The following COL28A1 variants were observed in gnomAD, a reference collection of about 807,000 sequenced individuals.
COL28A1 encodes collagen type XXVIII alpha 1 chain.
In COL28A1, 161 loss-of-function variants were observed where a neutral mutation model predicts 150.2. The observed-to-expected ratio is 1.07, with a 90% CI of 0.94 to 1.22. The LOEUF (loss-of-function observed/expected upper bound fraction) is 1.22, where lower values mean the gene tolerates loss of function less well. COL28A1 is among the 50% of genes most tolerant of loss of function. The pLI, the probability that COL28A1 is intolerant of heterozygous loss-of-function variation, is 0.00. For synonymous variants in COL28A1, 552 were observed against 469.7 expected, an observed-to-expected ratio of 1.18 and a Z score of -2.26; for missense variants, 1,617 against 1,388.3, an observed-to-expected ratio of 1.16 and a Z score of -2.62.
chr7:7,452,779 C>A (rs2128330534), intron 17 of COL28A1, among the ~76,000 whole-genome samples: 1 of 152,294 alleles, frequency 6.6e-6, no homozygotes, highest in African/African-American at 2.4e-5. Flanking sequence ...CTCAAGCTTT[C>A]AAGGCAGGCC....
chr7:7,384,808 G>T (rs1195297509), intron 27 of COL28A1, among the ~76,000 whole-genome samples: 3 of 152,110 alleles, frequency 2.0e-5, no homozygotes, highest in Non-Finnish European at 2.9e-5. Flanking sequence ...ACATTAAACT[G>T]ACACTGGCAT....
At chr7:7,498,455 G>T (rs55924331) in intron 11 of COL28A1, among the ~76,000 whole-genome samples, 14,864 of 152,124 alleles carry the variant, frequency 0.098, 868 homozygotes, top group Middle Eastern at 0.22. Flanking sequence ...ACCCTTGGAG[G>T]CTGGGAGGAG....
intron 32 of COL28A1, among the ~76,000 whole-genome samples, chr7:7,372,442 T>TAAATAAATAAATAAAA (rs1554260229): frequency 2.1e-4 from 30 of 143,904 alleles, no homozygotes; most frequent in African/African-American, 8.8e-4. Flanking sequence ...AATAAATAAA[T>TAAATAAATAAATAAAA]GGTTGTTCTT....
chr7:7,543,222 T>C, the COL28A1 span, among the ~76,000 whole-genome samples: 1 of 152,204 alleles, frequency 6.6e-6, no homozygotes, highest in African/African-American at 2.4e-5. Flanking sequence ...ATGAGTATAG[T>C]TCCAACAAGA....
chr7:7,453,513 A>C lies in COL28A1; in HGVS notation c.1372-5T>G. The C allele has an allele frequency of 9.6e-7, 1 of 1,045,148 alleles. No individual in the cohort carries two copies. Among genetic ancestry groups the C allele is most frequent in the Middle Eastern group, 2.0e-4 (1 of 4,958 alleles). The allele number at this position is 1,045,148 out of a possible 1,614,324, so 64.7% of individuals were successfully genotyped here. A position where few individuals can be genotyped will look rare whatever the true frequency, so the allele number is the denominator to read the frequency against. On this transcript the variant is annotated splice_polypyrimidine_tract_variant and splice_region_variant and intron_variant, in intron 16 of 34. Coordinates refer to ENST00000399429, the MANE Select transcript of COL28A1 (RefSeq NM_001037763.3). ...ACCAATAGGACCTTGGATTCCCTTT[A>C]AAATAAAATTTTATAAAATAGTGTT...
At chr7:7,417,969 G>C in intron 26 of COL28A1, 42 bp from the exon 27 acceptor site, 1 of 1,518,934 alleles carries the variant, frequency 6.6e-7, no homozygotes. Context: ...AATGTAAGAA[G>C]ATCGAAGAAG....
intron 27 of COL28A1, among the ~76,000 whole-genome samples, chr7:7,399,313 A>T (rs929561418): frequency 6.6e-6 from 1 of 152,164 alleles, no homozygotes; most frequent in Non-Finnish European, 1.5e-5. Context: ...ACCTCAGCCA[A>T]GAGTGACATC....
chr7:7,459,522 A>C lies in COL28A1; in HGVS notation c.1303-3410T>G, dbSNP rs75677338. Among the ~76,000 whole-genome samples, 1,216 of 152,366 alleles carry C rather than the reference A, an allele frequency of 8.0e-3. 16 individuals carry two copies. The highest frequency in any genetic ancestry group is 0.028 in the African/African-American group (1,156 of 41,582). On this transcript the variant is annotated intron_variant, in intron 15 of 34. Coordinates refer to ENST00000399429, the MANE Select transcript of COL28A1 (RefSeq NM_001037763.3). ...TAATATACAATATAATTATCTGCTT[A>C]AAGGCTGATATATAAATGACTCCAA...
At chr7:7,477,934 G>A (rs550667514) in intron 13 of COL28A1, among the ~76,000 whole-genome samples, 15 of 152,194 alleles carry the variant, frequency 9.9e-5, no homozygotes, top group East Asian at 1.9e-4. Flanking sequence ...TGATTGGTGC[G>A]TTTACAATCC....
At chr7:7,519,129 A>G (rs1029583440) in intron 6 of COL28A1, among the ~76,000 whole-genome samples, 1 of 152,210 alleles carries the variant, frequency 6.6e-6, no homozygotes, top group Non-Finnish European at 1.5e-5. Context: ...ATGGACTCAC[A>G]GTTCCACAGT....
Position 7,502,776 on chromosome 7 carries a change from C to T in COL28A1, c.1026+3238G>A, listed in dbSNP as rs960783995. On this transcript the variant is annotated intron_variant, in intron 11 of 34. Transcript: ENST00000399429. ...GCAGTGGCGCGATCTCGGCTCACTG[C>T]AAGCTCCGCCTCCCAGGTTCACGCC... 4.4e-5 allele frequency among the ~76,000 whole-genome samples: 2 copies of T among 45,770 alleles called. 1 individual carries two copies. Among genetic ancestry groups the T allele is most frequent in the Non-Finnish European group, 7.0e-5 (2 of 28,658 alleles). The allele number at this position is 45,770 out of a possible 152,430, so 30.0% of individuals were successfully genotyped here.
In COL28A1 at chr7:7,432,681, C is replaced by A; in HGVS notation, c.1880G>T (p.Gly627Val). ...RGPKGVQGPR[G>V]PVGAPGLKGD... ...TTTGAGTCCTGGAGCACCCACTGGT[C>A]CCCGAGGGCCTTGGACACCCTGGGT... Residue 627 changes from glycine to valine, a missense_variant, in exon 24 of 35, where the codon GGA (glycine) becomes GTA (valine). By Grantham distance (109) the Gly-to-Val change is moderately radical. Transcript: ENST00000399429. The A allele has an allele frequency of 6.2e-7, 1 of 1,613,782 alleles. No homozygotes were observed. Among genetic ancestry groups the A allele is most frequent in the Non-Finnish European group, 8.5e-7 (1 of 1,179,926 alleles).
chr7:7,530,166 G>T (rs550118379), intron 3 of COL28A1, among the ~76,000 whole-genome samples: 2 of 152,070 alleles, frequency 1.3e-5, no homozygotes, highest in African/African-American at 2.4e-5. Context: ...GGTCTTCACC[G>T]GCCTTAAATT....
intron 13 of COL28A1, among the ~76,000 whole-genome samples, chr7:7,481,064 G>A (rs1789350113): frequency 6.6e-6 from 1 of 152,176 alleles, no homozygotes; most frequent in Non-Finnish European, 1.5e-5. Flanking sequence ...TGCTAAGAAT[G>A]TCCTTTCATG....
intron 32 of COL28A1, among the ~76,000 whole-genome samples, chr7:7,372,298 C>G (rs1781272965): frequency 1.3e-5 from 2 of 151,742 alleles, no homozygotes; most frequent in South Asian, 4.2e-4. Context: ...ACTTGGGAGG[C>G]TGAGGCAGGA....
At chr7:7,464,130 G>T (rs1324185327) in intron 15 of COL28A1, among the ~76,000 whole-genome samples, 2 of 152,106 alleles carry the variant, frequency 1.3e-5, no homozygotes, top group African/African-American at 4.8e-5. Context: ...AAATATATAT[G>T]CACCCAACAC....
chr7:7,471,125 T>TAAAAA (rs746981344), intron 15 of COL28A1, among the ~76,000 whole-genome samples: 1,363 of 87,650 alleles, frequency 0.016, 9 homozygotes, highest in African/African-American at 0.037. Flanking sequence ...AAAAAATAAT[T>TAAAAA]AAAAAAAAAA....
At chr7:7,461,499 A>C (rs763521186) in intron 15 of COL28A1, among the ~76,000 whole-genome samples, 1 of 152,122 alleles carries the variant, frequency 6.6e-6, no homozygotes, top group Non-Finnish European at 1.5e-5. Flanking sequence ...GCAACCTCTC[A>C]GCCCTACTCA....
At position 7,373,293 on chromosome 7, in the gene COL28A1, C is replaced by T. The variant is rs200140817; in HGVS notation, c.2613G>A (p.Leu871=). 1.1e-5 allele frequency: 18 copies of T among 1,614,180 alleles called. No individual in the cohort carries two copies. The African/African-American group carries it at 1.7e-4, about 16-fold the overall frequency. ...FKLAVDNMQY[L]GEGTYTATAL... is the part of the protein sequence containing the mutation. ...CAGTGGCTGTGTATGTGCCTTCCCC[C>T]AGATACTGCATGTTGTCCACAGCCA... is the stretch of plus-strand genomic sequence containing the variant. The change falls in exon 32 of 35, where the codon CTG becomes CTA. Residue 871 remains leucine, a synonymous_variant. Transcript: ENST00000399429. This position sits in a 1 kb window ranked among gnomAD's most constrained non-coding sequence, Gnocchi z 4.1.
Sources: gnomAD v4.1 joint callset for allele counts (sites outside exome capture counted in the v4.1 genomes callset) on GRCh38, gnomAD v4.1.1 for gene constraint, Gnocchi (gnomAD v3.1) non-coding constraint, MANE v1.5 for transcripts, NCBI Gene and HGNC (gene_info 2026-07-23, HGNC 2026-07-21) for gene names.